The following ANK3 variants were observed in gnomAD, a reference collection of about 807,000 sequenced individuals.
ANK3 encodes the protein ankyrin-3.
In ANK3, 57 loss-of-function variants were observed where a neutral mutation model predicts 370.9. The ratio of observed to expected loss-of-function variants is 0.15; its 90% CI spans 0.12 to 0.19. The LOEUF is 0.19. Among genes scored for constraint, ANK3 ranks in the 10% least tolerant of loss-of-function variants. The pLI is 1.00. For missense variants in ANK3, 4,439 were observed against 5,302.1 expected (o/e 0.84, Z 5.06); for synonymous variants, 1,929 against 1,946.3 (o/e 0.99, Z 0.23).
At chr10:60,577,103 G>A (rs954018212) in intron 2 of ANK3, among the ~76,000 whole-genome samples, 3 of 152,196 alleles carry the variant, frequency 2.0e-5, no homozygotes, top group Non-Finnish European at 4.4e-5. Context: ...TATTTACTTT[G>A]CACTACTTTG....
chr10:60,588,807 G>A (rs1266174091), intron 2 of ANK3, among the ~76,000 whole-genome samples: 1 of 152,096 alleles, frequency 6.6e-6, no homozygotes, highest in East Asian at 1.9e-4. Flanking sequence ...CTATTCAGGA[G>A]GCAGAACTCA....
intron 1 of ANK3, among the ~76,000 whole-genome samples, chr10:60,651,141 A>T (rs1213911769): frequency 6.6e-6 from 1 of 152,190 alleles, no homozygotes; most frequent in Non-Finnish European, 1.5e-5. Flanking sequence ...GTGTTTATGT[A>T]TATGAATGTG....
At chr10:60,555,106 T>C (rs1323239424) in intron 2 of ANK3, among the ~76,000 whole-genome samples, 1 of 152,146 alleles carries the variant, frequency 6.6e-6, no homozygotes, top group Non-Finnish European at 1.5e-5. Context: ...TATAAACAAA[T>C]TTAAAGCAAG....
intron 2 of ANK3, among the ~76,000 whole-genome samples, chr10:60,600,326 C>T (rs954598814): frequency 1.3e-5 from 2 of 152,226 alleles, no homozygotes; most frequent in Admixed American, 1.3e-4. Context: ...CTCCTAATTC[C>T]AGATTTTGCT....
chr10:60,724,258 C>G (rs2079910781), intron 1 of ANK3, among the ~76,000 whole-genome samples: 1 of 150,812 alleles, frequency 6.6e-6, no homozygotes, highest in Non-Finnish European at 1.5e-5. Flanking sequence ...CTAGCGCCCC[C>G]AGAAGGAACA....
At chr10:60,198,990 T>A (rs1309550097) in intron 13 of ANK3, among the ~76,000 whole-genome samples, 1 of 152,098 alleles carries the variant, frequency 6.6e-6, no homozygotes, top group Non-Finnish European at 1.5e-5. Flanking sequence ...AGGAAGGCAG[T>A]GTGGGGTTGC....
intron 23 of ANK3, among the ~76,000 whole-genome samples, chr10:60,151,738 A>T (rs1044516686): frequency 2.0e-5 from 3 of 152,222 alleles, no homozygotes; most frequent in African/African-American, 7.2e-5. Flanking sequence ...TAGCATAGGT[A>T]TTCAAACTTA....
intron 1 of ANK3, among the ~76,000 whole-genome samples, chr10:60,280,253 T>G (rs2098141619): frequency 6.6e-6 from 1 of 151,926 alleles, no homozygotes; most frequent in African/African-American, 2.4e-5. Flanking sequence ...AGAGACGGGG[T>G]CTCACTATGT....
At chr10:60,177,523 G>T (rs1428652997) in intron 18 of ANK3, among the ~76,000 whole-genome samples, 2 of 150,688 alleles carry the variant, frequency 1.3e-5, no homozygotes, top group East Asian at 3.9e-4. Context: ...AGTTGCACAG[G>T]TCAGATCCTT....
At chr10:60,308,928 G>C (rs989915623) in intron 1 of ANK3, among the ~76,000 whole-genome samples, 7 of 152,116 alleles carry the variant, frequency 4.6e-5, no homozygotes, top group Admixed American at 3.9e-4. Context: ...TTCCCACTGA[G>C]TTCATAGCTT....
At chr10:60,489,213 C>T (rs981621596) in intron 2 of ANK3, among the ~76,000 whole-genome samples, 1 of 152,170 alleles carries the variant, frequency 6.6e-6, no homozygotes. Flanking sequence ...AAGATAGCTT[C>T]TCCAATGCAC....
chr10:60,070,002 C>T lies in ANK3; in HGVS notation c.10879G>A (p.Glu3627Lys). The T allele has an allele frequency of 6.2e-7, 1 of 1,614,120 alleles. No homozygotes were observed. The highest frequency in any genetic ancestry group is 8.5e-7 in the Non-Finnish European group (1 of 1,180,002). ...CCAATCTGGAAAAATTGGAGCCTCT[C>T]TTCAACAAAATCCCTCTTGCTCATG... ...IDMSKRDFVE[E>K]RLQFFQIGEH... Residue 3627 changes from glutamate to lysine, a missense_variant, in exon 37 of 44, where the codon GAG becomes AAG. Transcript: ENST00000280772. This position sits in a 1 kb window ranked among gnomAD's most constrained non-coding sequence, Gnocchi z 5.7.
At chr10:60,671,752 G>A (rs2079066493) in intron 1 of ANK3, among the ~76,000 whole-genome samples, 1 of 152,176 alleles carries the variant, frequency 6.6e-6, no homozygotes, top group African/African-American at 2.4e-5. Context: ...ACTCACAGTG[G>A]GGAGAATCCA....
intron 2 of ANK3, among the ~76,000 whole-genome samples, chr10:60,565,426 G>GTA (rs2077435891): frequency 6.6e-6 from 1 of 151,780 alleles, no homozygotes; most frequent in South Asian, 2.1e-4. Flanking sequence ...TCCCAACAGG[G>GTA]CAGACTGATA....
intron 2 of ANK3, among the ~76,000 whole-genome samples, chr10:60,592,900 T>C (rs1414829036): frequency 6.6e-6 from 1 of 152,222 alleles, no homozygotes; most frequent in Non-Finnish European, 1.5e-5. Flanking sequence ...CAAGAAGTTA[T>C]TGATGAAAGT....
chr10:60,114,167 G>T, intron 26 of ANK3, 58 bp downstream of exon 26: 2 of 904,966 alleles, frequency 2.2e-6, no homozygotes, highest in Admixed American at 2.5e-5. Flanking sequence ...ATAACTCTAA[G>T]TAATAAATGC....
chr10:60,491,344 A>G (rs1014297470), intron 2 of ANK3, among the ~76,000 whole-genome samples: 5 of 152,232 alleles, frequency 3.3e-5, no homozygotes, highest in Non-Finnish European at 4.4e-5. Context: ...CTGTTCTTAA[A>G]TTGCAGACTT....
intron 43 of ANK3, among the ~76,000 whole-genome samples, chr10:60,038,214 T>C (rs533765109): frequency 2.0e-5 from 3 of 152,242 alleles, no homozygotes; most frequent in South Asian, 4.1e-4. Context: ...CTGGCCAACA[T>C]GGTGAAACCC....
chr10:60,654,288 G>GTACATATTT (rs1023586337), intron 1 of ANK3, among the ~76,000 whole-genome samples: 18 of 152,112 alleles, frequency 1.2e-4, no homozygotes, highest in Non-Finnish European at 2.2e-4. Context: ...TTTCCAATTT[G>GTACATATTT]TACATATTTT....
Sources: allele counts gnomAD v4.1 joint callset (sites outside exome capture counted in the v4.1 genomes callset), GRCh38; gene constraint gnomAD v4.1.1; non-coding constraint Gnocchi (gnomAD v3.1); transcripts MANE v1.5; gene names NCBI Gene and HGNC (gene_info 2026-07-23, HGNC 2026-07-21).